Variants in ST3GAL4 observed in about 807,000 individuals in gnomAD.
ST3GAL4 encodes the protein CMP-N-acetylneuraminate-beta-galactosamide-alpha-2,3-sialyltransferase 4.
Under a neutral mutation model 42.6 loss-of-function variants are expected in ST3GAL4, and 24 were observed. The observed-to-expected ratio is 0.56, with a 90% CI of 0.41 to 0.79. The LOEUF is 0.79. Ranked by LOEUF, ST3GAL4 falls within the 30% of genes least tolerant of loss-of-function variation. The probability of loss-of-function intolerance (pLI) is 0.00; values close to 1 mark genes in which losing one functional copy is unlikely to be tolerated. For synonymous variants in ST3GAL4, 135 were observed against 163.2 expected (o/e 0.83, Z 1.32); for missense variants, 311 against 430.8 (o/e 0.72, Z 2.46).
chr11:126,408,150 C>T lies in ST3GAL4; in HGVS notation c.393C>T (p.Asn131=), dbSNP rs1268925233. 6.2e-7 allele frequency: 1 copy of T among 1,614,068 alleles called. No homozygotes were observed. The highest frequency in any genetic ancestry group is 1.3e-5 in the African/African-American group (1 of 74,930). The change falls in exon 7 of 11, where the codon AAC becomes AAT. Residue 131 remains asparagine, a synonymous_variant. Transcript: ENST00000444328. ...VVVGNGHRLR[N]SSLGDAINKY... is the part of the protein sequence containing the mutation. ...TGGGGAACGGGCACCGGCTGCGGAA[C>T]AGCTCACTGGGAGATGCCATCAACA... is the stretch of plus-strand genomic sequence containing the variant.
chr11:126,385,446 C>G (rs558208030), intron 1 of ST3GAL4, among the ~76,000 whole-genome samples: 167 of 152,260 alleles, frequency 1.1e-3, no homozygotes, highest in African/African-American at 3.8e-3. Context: ...GCCACCGCGC[C>G]TGACCCACCT....
intron 1 of ST3GAL4, among the ~76,000 whole-genome samples, chr11:126,404,426 C>T (rs772763486): frequency 2.0e-5 from 3 of 152,158 alleles, no homozygotes; most frequent in Non-Finnish European, 2.9e-5. Flanking sequence ...ACTAGAGCTG[C>T]GAACAGGACA....
chr11:126,367,085 G>A lies in ST3GAL4; in HGVS notation c.-61+11243G>A, dbSNP rs561471353. 2.0e-5 allele frequency among the ~76,000 whole-genome samples: 3 copies of A among 152,232 alleles called. 1 individual carries two copies. Among genetic ancestry groups the A allele is most frequent in the South Asian group, 4.1e-4 (2 of 4,820 alleles). On this transcript the variant is annotated intron_variant, in intron 1 of 10. Coordinates refer to ENST00000444328, the MANE Select transcript of ST3GAL4 (RefSeq NM_001254757.2). ...GGCACCGTGGTGGAGATGGAGCACC[G>A]CTCATGACAGGAGGCTGGTGTCTGG...
rs1027387811 is a variant in ST3GAL4, at chr11:126,398,120, T to G, written c.-60-7976T>G. ...TAAAAGTCCAAAGTCCACAGTCTCA[T>G]CTAAGTCAGCTGTGGGTAAAACTCA... On this transcript the variant is annotated intron_variant, in intron 1 of 10. Coordinates refer to ENST00000444328, the MANE Select transcript of ST3GAL4 (RefSeq NM_001254757.2). The surrounding 1 kb of genome is among the most constrained non-coding windows in gnomAD (Gnocchi z 4.7). 3.3e-4 allele frequency among the ~76,000 whole-genome samples: 50 copies of G among 152,240 alleles called. No individual in the cohort carries two copies. Among genetic ancestry groups the G allele is most frequent in the African/African-American group, 1.2e-3 (50 of 41,464 alleles).
In ST3GAL4 at chr11:126,406,320, G is replaced by A. The variant is rs1035350072; in HGVS notation, c.16+149G>A. Reference sequence around the variant, plus strand: ...TCTTGAAGGACAGTGGGTACAATCAGGGTCAAGCCCTCAGCCAGGGCCAGG... The same window carrying A: ...TCTTGAAGGACAGTGGGTACAATCAAGGTCAAGCCCTCAGCCAGGGCCAGG... On this transcript the variant is annotated intron_variant, in intron 2 of 10. Transcript: ENST00000444328. The surrounding 1 kb of genome is among the most constrained non-coding windows in gnomAD (Gnocchi z 5.4). 352 of 1,539,774 alleles carry A rather than the reference G, an allele frequency of 2.3e-4. No homozygotes were observed. Among genetic ancestry groups the A allele is most frequent in the Non-Finnish European group, 1.7e-4 (197 of 1,141,844 alleles).
In ST3GAL4 at chr11:126,384,801, G is replaced by C. The variant is rs1298668782; in HGVS notation, c.-60-21295G>C. ...AGTGGGAGTGGCAGTGCCTCTGCCT[G>C]TCTCCCTGGCCGTGGCAGGTCCTTT... On this transcript the variant is annotated intron_variant, in intron 1 of 10. Coordinates refer to ENST00000444328, the MANE Select transcript of ST3GAL4 (RefSeq NM_001254757.2). This position sits in a 1 kb window ranked among gnomAD's most constrained non-coding sequence, Gnocchi z 5.5. 1.0e-6 allele frequency: 1 copy of C among 985,300 alleles called. No homozygotes were observed. The highest frequency in any genetic ancestry group is 1.2e-6 in the Non-Finnish European group (1 of 829,938). The allele number at this position is 985,300 out of a possible 1,614,324, so 61.0% of individuals were successfully genotyped here. A position where few individuals can be genotyped will look rare whatever the true frequency, so the allele number is the denominator to read the frequency against.
chr11:126,388,141 C>T (rs7118123), intron 1 of ST3GAL4, among the ~76,000 whole-genome samples: 10,449 of 152,234 alleles, frequency 0.069, 1,158 homozygotes, highest in African/African-American at 0.23. Flanking sequence ...TGAGAGGTAG[C>T]TCTAGTTTTT....
Position 126,392,780 on chromosome 11 carries a change from C to T in ST3GAL4, c.-60-13316C>T, listed in dbSNP as rs1286339478. On this transcript the variant is annotated intron_variant, in intron 1 of 10. Coordinates refer to ENST00000444328, the MANE Select transcript of ST3GAL4 (RefSeq NM_001254757.2). This position sits in a 1 kb window ranked among gnomAD's most constrained non-coding sequence, Gnocchi z 5.8. ...AACTGCCACAAAGTTAATAAAGCAG[C>T]ATGATGTGACAGAGCTGGATGTGGG... 1.3e-5 allele frequency among the ~76,000 whole-genome samples: 2 copies of T among 152,120 alleles called. No individual in the cohort carries two copies. Among genetic ancestry groups the T allele is most frequent in the Non-Finnish European group, 2.9e-5 (2 of 68,032 alleles).
intron 4 of ST3GAL4, 65 bp from the exon 5 acceptor site, chr11:126,407,187 A>T (rs2135546212): frequency 1.3e-6 from 2 of 1,570,722 alleles, no homozygotes; most frequent in Non-Finnish European, 1.8e-6. Context: ...TCATGGGCCT[A>T]ACCCTACTTC....
intron 1 of ST3GAL4, among the ~76,000 whole-genome samples, chr11:126,372,346 T>C (rs1952685614): frequency 6.6e-6 from 1 of 152,236 alleles, no homozygotes; most frequent in Non-Finnish European, 1.5e-5. Context: ...TATTTCACTT[T>C]GCATAGTGTC....
At position 126,406,303 on chromosome 11, in the gene ST3GAL4, G is replaced by A. The variant is rs571511242; in HGVS notation, c.16+132G>A. ...AGGGGCCCTTCTCTTCATCTTGAAG[G>A]ACAGTGGGTACAATCAGGGTCAAGC... On this transcript the variant is annotated intron_variant, in intron 2 of 10. Transcript: ENST00000444328. This position sits in a 1 kb window ranked among gnomAD's most constrained non-coding sequence, Gnocchi z 5.4. 9.5e-4 allele frequency: 1,472 copies of A among 1,542,686 alleles called. 1 individual carries two copies. Among genetic ancestry groups the A allele is most frequent in the Non-Finnish European group, 1.2e-3 (1,348 of 1,143,356 alleles).
chr11:126,406,961 A>T lies in ST3GAL4; in HGVS notation c.120A>T (p.Pro40=), dbSNP rs758110960. 1.2e-6 allele frequency: 2 copies of T among 1,614,038 alleles called. No homozygotes were observed. The highest frequency in any genetic ancestry group is 1.7e-6 in the Non-Finnish European group (2 of 1,179,990). The stretch of plus-strand genomic sequence containing the variant: ...TCTCCAGTTTTTATTTTCCCATCCC[A>T]GAGAAGAAGGAGCCGTGCCTCCAGG... ...RYIELFYFPI[P]EKKEPCLQGE... Residue 40 remains proline, a synonymous_variant, in exon 4 of 11, where the codon CCA becomes CCT. Transcript: ENST00000444328. The surrounding 1 kb of genome is among the most constrained non-coding windows in gnomAD (Gnocchi z 5.4).
Position 126,400,068 on chromosome 11 carries a change from C to CT in ST3GAL4, c.-60-6027dup, listed in dbSNP as rs1953939355. Among the ~76,000 whole-genome samples, 1 of 152,124 alleles carries CT rather than the reference C, an allele frequency of 6.6e-6. No individual in the cohort carries two copies. Among genetic ancestry groups the CT allele is most frequent in the Non-Finnish European group, 1.5e-5 (1 of 68,026 alleles). The stretch of plus-strand genomic sequence containing the variant: ...TTTCCCTCCCCTCCCCTGCTTTCCT[C>CT]TCCCCTCTCCACTTCTTGGCACCAA... On this transcript the variant is annotated intron_variant, in intron 1 of 10. Coordinates refer to ENST00000444328, the MANE Select transcript of ST3GAL4 (RefSeq NM_001254757.2). This position sits in a 1 kb window ranked among gnomAD's most constrained non-coding sequence, Gnocchi z 4.6.
intron 1 of ST3GAL4, 198 bp from the exon 2 acceptor site, chr11:126,405,898 A>T (rs1049907037): frequency 1.1e-5 from 7 of 658,918 alleles, no homozygotes; most frequent in Non-Finnish European, 1.8e-5. Context: ...GGCAGGGCTC[A>T]CCTGGATCCT....
intron 1 of ST3GAL4, among the ~76,000 whole-genome samples, chr11:126,369,730 G>A (rs1952570829): frequency 1.3e-5 from 2 of 151,960 alleles, no homozygotes; most frequent in Admixed American, 6.6e-5. Flanking sequence ...ACTTCAAAAT[G>A]TATCACACTC....
At chr11:126,408,555 G>A (rs1177677929) in intron 8 of ST3GAL4, 59 bp downstream of exon 8, 2 of 1,583,554 alleles carry the variant, frequency 1.3e-6, no homozygotes, top group Non-Finnish European at 1.7e-6. Context: ...GCCCGAGTCA[G>A]GACCTCACGC....
At chr11:126,389,758 T>A (rs1172872198) in intron 1 of ST3GAL4, among the ~76,000 whole-genome samples, 1 of 152,098 alleles carries the variant, frequency 6.6e-6, no homozygotes, top group Non-Finnish European at 1.5e-5. Flanking sequence ...TTTATTTTTT[T>A]ATTTTTTAAA....
chr11:126,394,721 T>C (rs1461952411), intron 1 of ST3GAL4, among the ~76,000 whole-genome samples: 1 of 151,858 alleles, frequency 6.6e-6, no homozygotes, highest in Non-Finnish European at 1.5e-5. Flanking sequence ...CACGGGGCCC[T>C]GCCCTGGGTA....
intron 9 of ST3GAL4, 115 bp from the exon 10 acceptor site, chr11:126,413,390 A>G: frequency 1.5e-6 from 2 of 1,344,458 alleles, no homozygotes; most frequent in South Asian, 3.0e-5. Context: ...CTTGTTGGAC[A>G]GCGCAGATGG....
Sources: gnomAD v4.1 joint callset for allele counts (sites outside exome capture counted in the v4.1 genomes callset) on GRCh38, gnomAD v4.1.1 for gene constraint, Gnocchi (gnomAD v3.1) non-coding constraint, MANE v1.5 for transcripts, NCBI Gene and HGNC (gene_info 2026-07-23, HGNC 2026-07-21) for gene names.